The following ZFAND3 variants were observed in gnomAD, a reference collection of about 807,000 sequenced individuals.
ZFAND3 encodes the protein zinc finger AN1-type containing 3.
A neutral mutation model predicts 29.6 loss-of-function variants in ZFAND3; 10 were observed. The ratio of observed to expected loss-of-function variants is 0.34; its 90% CI spans 0.21 to 0.57. ZFAND3 has a LOEUF of 0.57. ZFAND3 is among the 20% of genes least tolerant of loss of function. The pLI is 0.86. For synonymous variants in ZFAND3, 128 were observed against 112.6 expected, an observed-to-expected ratio of 1.14 and a Z score of -0.87; for missense variants, 230 against 304.5, an observed-to-expected ratio of 0.76 and a Z score of 1.82.
chr6:37,826,524 C>T (rs1161114060), intron 1 of ZFAND3, among the ~76,000 whole-genome samples: 2 of 152,068 alleles, frequency 1.3e-5, no homozygotes, highest in Non-Finnish European at 2.9e-5. Context: ...GAGGCCAAGG[C>T]GTGAGGATCA....
At chr6:37,881,011 A>T (rs1033343592) in intron 1 of ZFAND3, among the ~76,000 whole-genome samples, 42 of 89,664 alleles carry the variant, frequency 4.7e-4, no homozygotes, top group African/African-American at 3.3e-3. Flanking sequence ...TAGAGTATAA[A>T]AAAAAAAAAA....
chr6:37,904,528 T>C lies in ZFAND3; in HGVS notation c.72-25431T>C, dbSNP rs1396913279. On this transcript the variant is annotated intron_variant, in intron 1 of 5. Transcript: ENST00000287218. Reference sequence around the variant, plus strand: ...AATGAAAATGTGGATTCTGGGATTTTCCAGTTGCTTTGAAATAGTGACAGA... The same window carrying C: ...AATGAAAATGTGGATTCTGGGATTTCCCAGTTGCTTTGAAATAGTGACAGA... Among the ~76,000 whole-genome samples, 3 of 152,210 alleles carry C rather than the reference T, an allele frequency of 2.0e-5. No homozygotes were observed. The East Asian group carries it at 5.8e-4, about 29-fold the overall frequency.
intron 5 of ZFAND3, among the ~76,000 whole-genome samples, chr6:38,124,408 C>T (rs149259375): frequency 2.1e-3 from 316 of 152,304 alleles, no homozygotes; most frequent in African/African-American, 5.4e-3. Flanking sequence ...CTCGGGGCTG[C>T]GCAGGAGCCC....
intron 1 of ZFAND3, among the ~76,000 whole-genome samples, chr6:37,896,554 C>CTTTCTTTCT (rs1554153844): frequency 0.013 from 1,764 of 137,800 alleles, 34 homozygotes; most frequent in Middle Eastern, 0.029. Flanking sequence ...TTCTTTCTTT[C>CTTTCTTTCT]TTTCTTTCTT....
At chr6:37,944,562 A>C (rs1761868044) in intron 2 of ZFAND3, among the ~76,000 whole-genome samples, 1 of 152,176 alleles carries the variant, frequency 6.6e-6, no homozygotes, top group African/African-American at 2.4e-5. Flanking sequence ...GTCTTCATTG[A>C]ATGGGAAAGG....
intron 2 of ZFAND3, among the ~76,000 whole-genome samples, chr6:38,013,592 T>C (rs886875738): frequency 9.2e-5 from 14 of 152,308 alleles, no homozygotes; most frequent in Non-Finnish European, 1.8e-4. Flanking sequence ...GATGTAATGG[T>C]ATTTGACTTA....
chr6:38,048,188 T>C (rs1011338973), intron 2 of ZFAND3, among the ~76,000 whole-genome samples: 2 of 151,860 alleles, frequency 1.3e-5, no homozygotes, highest in Admixed American at 6.6e-5. Flanking sequence ...GTATTTTATG[T>C]AGATACAGGG....
chr6:38,152,975 T>TA lies in ZFAND3; in HGVS notation c.*587dup, dbSNP rs953779873. On this transcript the variant is annotated 3_prime_UTR_variant, in exon 6 of 6. Coordinates refer to ENST00000287218, the MANE Select transcript of ZFAND3 (RefSeq NM_021943.3). Reference sequence around the variant, plus strand: ...AAATGGGGGGTGGGGGACAGATTCTTACGGAAATTTTTTTACCTGACTTGC... The same window carrying TA: ...AAATGGGGGGTGGGGGACAGATTCTTAACGGAAATTTTTTTACCTGACTTGC... The TA allele has an allele frequency of 5.1e-5, 50 of 985,750 alleles. No homozygotes were observed. The highest frequency in any genetic ancestry group is 1.2e-4 in the African/African-American group (7 of 57,238). 61.1% of individuals were successfully genotyped at this position (985,750 alleles called of 1,614,324 possible).
At chr6:38,094,819 GCTGGGGT>G (rs1443936626) in intron 4 of ZFAND3, among the ~76,000 whole-genome samples, 1 of 152,116 alleles carries the variant, frequency 6.6e-6, no homozygotes, top group Admixed American at 6.5e-5. Context: ...TATCCAAACT[GCTGGGGT>G]CCAGAAGCGT....
At chr6:37,993,468 A>G (rs1440109080) in intron 2 of ZFAND3, among the ~76,000 whole-genome samples, 1 of 152,104 alleles carries the variant, frequency 6.6e-6, no homozygotes, top group Admixed American at 6.5e-5. Flanking sequence ...CTAAGATTAC[A>G]GGCGCGTGCC....
chr6:37,998,405 A>G (rs529812401), intron 2 of ZFAND3, among the ~76,000 whole-genome samples: 11 of 152,182 alleles, frequency 7.2e-5, no homozygotes, highest in African/African-American at 1.2e-4. Flanking sequence ...AACATACAGA[A>G]CTTTTGCAGC....
intron 1 of ZFAND3, among the ~76,000 whole-genome samples, chr6:37,869,944 T>C (rs1319279628): frequency 6.6e-6 from 1 of 152,172 alleles, no homozygotes; most frequent in Non-Finnish European, 1.5e-5. Context: ...ATTTGGTCTT[T>C]TTCTAGTGTC....
chr6:38,090,924 TG>T (rs1764854729), intron 4 of ZFAND3, among the ~76,000 whole-genome samples: 1 of 152,216 alleles, frequency 6.6e-6, no homozygotes, highest in Admixed American at 6.5e-5. Flanking sequence ...TAGGTCCCAT[TG>T]CCACCTACGT....
At chr6:37,839,315 G>A (rs565779754) in intron 1 of ZFAND3, among the ~76,000 whole-genome samples, 2 of 151,052 alleles carry the variant, frequency 1.3e-5, no homozygotes, top group Non-Finnish European at 2.9e-5. Context: ...CGGGTAGCTG[G>A]GACTACAGAC....
intron 2 of ZFAND3, among the ~76,000 whole-genome samples, chr6:37,931,774 A>C (rs768384635): frequency 6.6e-6 from 1 of 152,056 alleles, no homozygotes; most frequent in African/African-American, 2.4e-5. Flanking sequence ...TCATTATGCT[A>C]TTTGGGCAAG....
intron 2 of ZFAND3, among the ~76,000 whole-genome samples, chr6:38,049,304 C>A (rs149106752): frequency 6.6e-6 from 1 of 152,268 alleles, no homozygotes; most frequent in East Asian, 1.9e-4. Flanking sequence ...CATGGTTAAT[C>A]CAAGATTTAC....
At chr6:37,921,076 C>T (rs1299612480) in intron 1 of ZFAND3, among the ~76,000 whole-genome samples, 1 of 151,974 alleles carries the variant, frequency 6.6e-6, no homozygotes, top group Non-Finnish European at 1.5e-5. Context: ...TTTCCTTTAC[C>T]ACCCCACTCC....
At chr6:38,001,514 A>G (rs1762947835) in intron 2 of ZFAND3, among the ~76,000 whole-genome samples, 1 of 152,228 alleles carries the variant, frequency 6.6e-6, no homozygotes, top group Non-Finnish European at 1.5e-5. Flanking sequence ...GCAGAGCAAC[A>G]TAAACTCTAT....
At chr6:37,950,464 G>GC (rs1761979178) in intron 2 of ZFAND3, among the ~76,000 whole-genome samples, 2 of 150,784 alleles carry the variant, frequency 1.3e-5, no homozygotes, top group Non-Finnish European at 2.9e-5. Context: ...TGCAACCTCT[G>GC]CCCCCTAGGT....
Sources: allele counts gnomAD v4.1 joint callset (sites outside exome capture counted in the v4.1 genomes callset), GRCh38; gene constraint gnomAD v4.1.1; transcripts MANE v1.5; gene names NCBI Gene and HGNC (gene_info 2026-07-23, HGNC 2026-07-21).